The following PCDHA1 variants were observed in gnomAD, a reference collection of about 807,000 sequenced individuals.
PCDHA1 encodes protocadherin alpha 1.
A neutral mutation model predicts 61.3 loss-of-function variants in PCDHA1; 42 were observed. That is an observed-to-expected ratio of 0.69 (90% CI 0.54 to 0.89). The LOEUF (loss-of-function observed/expected upper bound fraction) is 0.89. PCDHA1 is among the 40% of genes least tolerant of loss of function. PCDHA1 has a pLI of 0.00. For synonymous variants in PCDHA1, 610 were observed against 553.8 expected (o/e 1.10, Z -1.43); for missense variants, 1,256 against 1,235.3 (o/e 1.02, Z -0.25).
intron 1 of PCDHA1, chr5:140,930,288 T>A (rs2086713135): frequency 6.6e-6 from 1 of 152,212 alleles, no homozygotes; most frequent in African/African-American, 2.4e-5. Context: ...CAAATACACT[T>A]AACAAATAAG....
At chr5:140,789,770 C>G (rs6898939) in intron 1 of PCDHA1, among the ~76,000 whole-genome samples, 1 of 151,986 alleles carries the variant, frequency 6.6e-6, no homozygotes, top group African/African-American at 2.4e-5. Flanking sequence ...TGAAGACTTT[C>G]GTCACATTTT....
At chr5:141,006,105 G>GT (rs79904017) in intron 3 of PCDHA1, among the ~76,000 whole-genome samples, 4,283 of 143,138 alleles carry the variant, frequency 0.03, 125 homozygotes, top group African/African-American at 0.081. Flanking sequence ...ATGGTAAGGA[G>GT]TTTTTTTTTT....
chr5:140,818,375 T>A (rs1766344454), intron 1 of PCDHA1, among the ~76,000 whole-genome samples: 1 of 152,254 alleles, frequency 6.6e-6, no homozygotes, highest in Non-Finnish European at 1.5e-5. Flanking sequence ...TTAACTTGAA[T>A]CGTGGCATTT....
chr5:140,973,486 C>G (rs1404281642), intron 1 of PCDHA1, among the ~76,000 whole-genome samples: 1 of 152,162 alleles, frequency 6.6e-6, no homozygotes, highest in African/African-American at 2.4e-5. Context: ...ATATTGGTCA[C>G]AGGACTCTTC....
At chr5:141,009,301 T>C (rs942481990) in intron 3 of PCDHA1, among the ~76,000 whole-genome samples, 1 of 152,122 alleles carries the variant, frequency 6.6e-6, no homozygotes, top group Admixed American at 6.5e-5. Flanking sequence ...TAAAATTTTT[T>C]TTAAAAAGCT....
intron 3 of PCDHA1, among the ~76,000 whole-genome samples, chr5:140,991,982 A>ACCAC (rs2097483325): frequency 6.6e-6 from 1 of 151,494 alleles, no homozygotes; most frequent in African/African-American, 2.4e-5. Context: ...TATTCTGCCT[A>ACCAC]CCACCCGGTC....
chr5:140,843,298 G>A, intron 1 of PCDHA1: 1 of 1,595,982 alleles, frequency 6.3e-7, no homozygotes, highest in Non-Finnish European at 8.6e-7. Context: ...AACCTGCGCT[G>A]ACCGCCACGG....
At chr5:140,834,808 T>C in intron 1 of PCDHA1, 1 of 1,612,578 alleles carries the variant, frequency 6.2e-7, no homozygotes, top group Non-Finnish European at 8.5e-7. Flanking sequence ...AATCTGTTCA[T>C]CGCGGAATCC....
intron 1 of PCDHA1, among the ~76,000 whole-genome samples, chr5:140,975,809 TA>T (rs146252033): frequency 0.06 from 9,090 of 152,310 alleles, 381 homozygotes; most frequent in East Asian, 0.11. Context: ...TTTATAATTT[TA>T]ATAGGAACTG....
intron 1 of PCDHA1, chr5:140,835,303 A>C (rs1773561799): frequency 6.2e-7 from 1 of 1,612,938 alleles, no homozygotes; most frequent in African/African-American, 1.3e-5. Context: ...GTGATAGGAC[A>C]TATGGATTTT....
intron 1 of PCDHA1, among the ~76,000 whole-genome samples, chr5:140,885,299 G>A (rs904206700): frequency 3.9e-5 from 6 of 152,042 alleles, no homozygotes; most frequent in African/African-American, 1.4e-4. Context: ...GAGAGACCTG[G>A]TAGGCTTTTT....
chr5:140,842,647 T>C (rs1778166241), intron 1 of PCDHA1: 1 of 1,595,148 alleles, frequency 6.3e-7, no homozygotes, highest in African/African-American at 1.3e-5. Flanking sequence ...CCAGCTTGTC[T>C]GTGGAGGTGG....
chr5:140,870,250 C>G (rs1562640720), intron 1 of PCDHA1: 1 of 1,614,092 alleles, frequency 6.2e-7, no homozygotes, highest in African/African-American at 1.3e-5. Flanking sequence ...TGTCAACGGA[C>G]AGGTGACCTG....
chr5:140,820,568 C>T (rs1554127882), intron 1 of PCDHA1, among the ~76,000 whole-genome samples: 1 of 151,874 alleles, frequency 6.6e-6, no homozygotes, highest in East Asian at 1.9e-4. Context: ...TTCTTTTGCC[C>T]ATATTTATTA....
chr5:140,895,257 T>A (rs1180344268), intron 1 of PCDHA1, among the ~76,000 whole-genome samples: 8 of 152,212 alleles, frequency 5.3e-5, no homozygotes, highest in Non-Finnish European at 8.8e-5. Context: ...AGCTTTCTTT[T>A]TTTTCTTACT....
chr5:140,859,697 G>T (rs1233998662), intron 1 of PCDHA1: 1 of 154,148 alleles, frequency 6.5e-6, no homozygotes, highest in Non-Finnish European at 1.4e-5. Flanking sequence ...TATTGTTCAA[G>T]TTTAGGAACA....
chr5:140,902,885 T>C (rs2069815301), intron 1 of PCDHA1, among the ~76,000 whole-genome samples: 1 of 152,238 alleles, frequency 6.6e-6, no homozygotes, highest in Admixed American at 6.5e-5. Context: ...CTGCAAAAGC[T>C]ATTATTTTAT....
At chr5:140,944,051 C>G (rs1383787401) in intron 1 of PCDHA1, among the ~76,000 whole-genome samples, 1 of 152,086 alleles carries the variant, frequency 6.6e-6, no homozygotes, top group East Asian at 1.9e-4. Context: ...GATTGGGATA[C>G]AAAAAGGTTT....
intron 1 of PCDHA1, chr5:140,831,049 T>C (rs1289663905): frequency 6.6e-6 from 1 of 152,264 alleles, no homozygotes; most frequent in Non-Finnish European, 1.5e-5. Flanking sequence ...ATAGTGTTCA[T>C]TTATTGTCCC....
Sources: allele counts gnomAD v4.1 joint callset (sites outside exome capture counted in the v4.1 genomes callset), GRCh38; gene constraint gnomAD v4.1.1; transcripts MANE v1.5; gene names NCBI Gene and HGNC (gene_info 2026-07-23, HGNC 2026-07-21).